The following PPARGC1A variants were observed in gnomAD, a reference collection of about 807,000 sequenced individuals.
PPARGC1A encodes PPARG coactivator 1 alpha, also known as peroxisome proliferator-activated receptor gamma coactivator 1-alpha.
In PPARGC1A, 25 loss-of-function variants were observed where a neutral mutation model predicts 88.7. That is an observed-to-expected ratio of 0.28 (90% confidence interval 0.21 to 0.39). The LOEUF (loss-of-function observed/expected upper bound fraction) is 0.39, where lower values mean the gene tolerates loss of function less well. PPARGC1A is among the 10% of genes least tolerant of loss of function. The pLI is 1.00. For missense variants in PPARGC1A, 880 were observed against 968.7 expected, an observed-to-expected ratio of 0.91 and a Z score of 1.22; for synonymous variants, 363 against 355.6, an observed-to-expected ratio of 1.02 and a Z score of -0.24.
the PPARGC1A span, among the ~76,000 whole-genome samples, chr4:24,123,432 G>T: frequency 6.6e-6 from 1 of 152,134 alleles, no homozygotes; most frequent in Non-Finnish European, 1.5e-5. Context: ...ATCTTGGAAG[G>T]TTTCACTATA....
the PPARGC1A span, among the ~76,000 whole-genome samples, chr4:24,118,402 T>C: frequency 6.6e-6 from 1 of 152,136 alleles, no homozygotes; most frequent in African/African-American, 2.4e-5. Flanking sequence ...TGCATCTCCT[T>C]GTGGAGTTTT....
At chr4:23,882,409 C>G (rs984929964) in intron 2 of PPARGC1A, among the ~76,000 whole-genome samples, 2 of 152,136 alleles carry the variant, frequency 1.3e-5, no homozygotes, top group African/African-American at 4.8e-5. Flanking sequence ...TTTTCAACCT[C>G]AGTGCTTTTT....
At chr4:24,237,080 C>A in the PPARGC1A span, among the ~76,000 whole-genome samples, 1 of 152,092 alleles carries the variant, frequency 6.6e-6, no homozygotes, top group Non-Finnish European at 1.5e-5. Context: ...ATTCATGAAG[C>A]CTTTTGTAGC....
At chr4:24,033,951 T>G in the PPARGC1A span, among the ~76,000 whole-genome samples, 1 of 152,220 alleles carries the variant, frequency 6.6e-6, no homozygotes, top group African/African-American at 2.4e-5. Context: ...ATGGCAAAGT[T>G]CTGGCTCAGA....
chr4:24,302,893 A>T, the PPARGC1A span, among the ~76,000 whole-genome samples: 1 of 152,214 alleles, frequency 6.6e-6, no homozygotes, highest in South Asian at 2.1e-4. Flanking sequence ...AAAGAAAACC[A>T]TCTTAATGAA....
chr4:23,916,347 TA>T, the PPARGC1A span, among the ~76,000 whole-genome samples: 1 of 152,188 alleles, frequency 6.6e-6, no homozygotes, highest in Admixed American at 6.5e-5. Flanking sequence ...ATATTCATCA[TA>T]AGGCTTTCAG....
At chr4:24,308,099 C>T in the PPARGC1A span, among the ~76,000 whole-genome samples, 1 of 151,998 alleles carries the variant, frequency 6.6e-6, no homozygotes, top group East Asian at 1.9e-4. Context: ...TGAGACCAGC[C>T]TGGCCAACAT....
At chr4:24,108,089 C>T in the PPARGC1A span, among the ~76,000 whole-genome samples, 6 of 152,084 alleles carry the variant, frequency 3.9e-5, no homozygotes, top group Non-Finnish European at 7.4e-5. Context: ...GGATGCACAG[C>T]CTCTGATGGA....
the PPARGC1A span, among the ~76,000 whole-genome samples, chr4:23,910,510 G>A: frequency 2.1e-5 from 3 of 142,336 alleles, no homozygotes; most frequent in Non-Finnish European, 4.5e-5. Flanking sequence ...GCACAATCTC[G>A]GTTCACTGCC....
chr4:24,003,756 T>C, the PPARGC1A span, among the ~76,000 whole-genome samples: 1 of 151,904 alleles, frequency 6.6e-6, no homozygotes, highest in Non-Finnish European at 1.5e-5. Context: ...AATTTGGAAT[T>C]TGTTTTGATA....
chr4:23,866,416 A>T (rs529647343), intron 2 of PPARGC1A, among the ~76,000 whole-genome samples: 1 of 152,342 alleles, frequency 6.6e-6, no homozygotes, highest in South Asian at 2.1e-4. Context: ...CTCCAATTTC[A>T]AAACAGCAAA....
At chr4:24,376,901 A>G in the PPARGC1A span, among the ~76,000 whole-genome samples, 4 of 152,316 alleles carry the variant, frequency 2.6e-5, no homozygotes, top group East Asian at 7.7e-4. Context: ...TACATTGTGC[A>G]TGATTTTAAT....
chr4:24,236,843 GTC>G, the PPARGC1A span, among the ~76,000 whole-genome samples: 9 of 152,126 alleles, frequency 5.9e-5, no homozygotes, highest in African/African-American at 2.2e-4. Flanking sequence ...AGTTACAAAA[GTC>G]TGTCTCAATA....
At chr4:24,411,978 T>C in the PPARGC1A span, among the ~76,000 whole-genome samples, 1 of 152,236 alleles carries the variant, frequency 6.6e-6, no homozygotes, top group African/African-American at 2.4e-5. Flanking sequence ...TAAATATCCA[T>C]ATGCACATTT....
chr4:23,901,918 A>G (rs1017840137), upstream of PPARGC1A, among the ~76,000 whole-genome samples: 1 of 152,160 alleles, frequency 6.6e-6, no homozygotes, highest in African/African-American at 2.4e-5. Flanking sequence ...CTGTGTAGTG[A>G]AATGCTGGCA....
the PPARGC1A span, among the ~76,000 whole-genome samples, chr4:24,133,459 G>T: frequency 2.0e-5 from 3 of 152,168 alleles, no homozygotes; most frequent in Non-Finnish European, 4.4e-5. Flanking sequence ...ATACAGTAGA[G>T]TCCTTACAAA....
the PPARGC1A span, among the ~76,000 whole-genome samples, chr4:24,009,805 C>T: frequency 6.6e-6 from 1 of 152,220 alleles, no homozygotes; most frequent in Non-Finnish European, 1.5e-5. Flanking sequence ...CCTATTCATT[C>T]CCACCTTTAT....
chr4:23,918,657 T>C, the PPARGC1A span, among the ~76,000 whole-genome samples: 1 of 152,228 alleles, frequency 6.6e-6, no homozygotes, highest in Non-Finnish European at 1.5e-5. Context: ...ATAAACCCAT[T>C]GCTCTGGTCA....
At chr4:23,834,596 T>C (rs1166582426) in intron 2 of PPARGC1A, among the ~76,000 whole-genome samples, 1 of 152,092 alleles carries the variant, frequency 6.6e-6, no homozygotes, top group African/African-American at 2.4e-5. Context: ...TGACCAATTG[T>C]AAAAATCCAA....
Sources: allele counts gnomAD v4.1 joint callset (sites outside exome capture counted in the v4.1 genomes callset), GRCh38; gene constraint gnomAD v4.1.1; transcripts MANE v1.5; gene names NCBI Gene and HGNC (gene_info 2026-07-23, HGNC 2026-07-21).